The following TPR variants were observed in gnomAD, a reference collection of about 807,000 sequenced individuals.
The protein encoded by TPR is nucleoprotein TPR.
Under a neutral mutation model 316.1 loss-of-function variants are expected in TPR, and 51 were observed. The observed-to-expected ratio is 0.16, with a 90% CI of 0.13 to 0.20. TPR has a LOEUF of 0.20. Ranked by LOEUF, TPR falls within the 10% of genes least tolerant of loss-of-function variation. TPR has a pLI of 1.00. For missense variants in TPR, 2,272 were observed against 2,754.8 expected, an observed-to-expected ratio of 0.82 and a Z score of 3.92; for synonymous variants, 981 against 914.7, an observed-to-expected ratio of 1.07 and a Z score of -1.31.
Position 186,343,893 on chromosome 1 carries a change from G to A in TPR, c.3602+13C>T, listed in dbSNP as rs181316236. 2.0e-4 allele frequency: 319 copies of A among 1,606,434 alleles called. No homozygotes were observed. In the African/African-American group the frequency reaches 3.9e-3, roughly 20 times the overall value. On this transcript the variant is annotated intron_variant, in intron 26 of 50. Coordinates refer to ENST00000367478, the MANE Select transcript of TPR (RefSeq NM_003292.3). ...TTATACCACAGAAATGAAGCAGTAA[G>A]AACATGATTTACCTGAGAATTTCCA...
chr1:186,322,579 T>C lies in TPR; in HGVS notation c.6305A>G (p.Gln2102Arg). The C allele has an allele frequency of 6.2e-7, 1 of 1,614,088 alleles. No individual in the cohort carries two copies. ...TCCTACAGACTGCCTTCGGGTCATC[T>C]GAATTCTCTGCGTGTCAAGATAAAG... is the stretch of plus-strand genomic sequence containing the variant. Reference protein sequence around the residue: ...QELGPPVQRIQMTRRQSVGRG... With the variant: ...QELGPPVQRIRMTRRQSVGRG... Residue 2102 changes from glutamine (Q) to arginine (R), a missense_variant, in exon 44 of 51, where the codon CAG (glutamine) becomes CGG (arginine). Gln to Arg is a conservative substitution (Grantham distance 43). Coordinates refer to ENST00000367478, the MANE Select transcript of TPR (RefSeq NM_003292.3).
chr1:186,313,313 G>T lies in TPR; in HGVS notation c.*658C>A. 3.2e-6 allele frequency: 1 copy of T among 310,586 alleles called. No individual in the cohort carries two copies. Among genetic ancestry groups the T allele is most frequent in the Non-Finnish European group, 6.0e-6 (1 of 165,696 alleles). The allele number at this position is 310,586 out of a possible 1,614,324, so 19.2% of individuals were successfully genotyped here. On this transcript the variant is annotated 3_prime_UTR_variant, in exon 51 of 51. Coordinates refer to ENST00000367478, the MANE Select transcript of TPR (RefSeq NM_003292.3). The stretch of plus-strand genomic sequence containing the variant: ...TACTCAGGATGCTTTTCTTTGAAAT[G>T]CCCAGAAATCTAAGTTATTCTGCCT...
chr1:186,327,932 C>A (rs1005429605), intron 39 of TPR, among the ~76,000 whole-genome samples: 1 of 151,902 alleles, frequency 6.6e-6, no homozygotes, highest in Non-Finnish European at 1.5e-5. Flanking sequence ...ATAGGCACCA[C>A]CCCACGAAGT....
intron 13 of TPR, among the ~76,000 whole-genome samples, chr1:186,357,935 G>A (rs1270196428): frequency 6.6e-6 from 1 of 152,022 alleles, no homozygotes; most frequent in Non-Finnish European, 1.5e-5. Flanking sequence ...ATTTTTTTGT[G>A]TGTGCTTTTG....
chr1:186,353,804 T>C lies in TPR; in HGVS notation c.2218A>G (p.Thr740Ala). 4 of 1,614,128 alleles carry C rather than the reference T, an allele frequency of 2.5e-6. No homozygotes were observed. The highest frequency in any genetic ancestry group is 3.4e-6 in the Non-Finnish European group (4 of 1,179,996). The change falls in exon 18 of 51, where the codon ACA becomes GCA. Residue 740 changes from threonine to alanine, a missense_variant. Transcript: ENST00000367478. ...TTCTGATTTCTCTCATGAAGTGATGTTATTTCTCGACGATATCCTTCAACA... is the reference window on the plus strand; with the variant it reads ...TTCTGATTTCTCTCATGAAGTGATGCTATTTCTCGACGATATCCTTCAACA... ...DNVEGYRREITSLHERNQKLT... is the reference protein window; with the variant it reads ...DNVEGYRREIASLHERNQKLT...
intron 4 of TPR, among the ~76,000 whole-genome samples, chr1:186,365,543 T>C (rs1244548050): frequency 1.3e-5 from 2 of 152,184 alleles, no homozygotes; most frequent in South Asian, 2.1e-4. Context: ...CATAAGGACC[T>C]TTACGGCTCA....
rs5779282 is a variant in TPR at position 186,327,127 on chromosome 1, C to A, written c.5889+333G>T. 1.3e-3 allele frequency among the ~76,000 whole-genome samples: 5 copies of A among 3,710 alleles called. 1 individual carries two copies. In the East Asian group the frequency reaches 0.025, roughly 18 times the overall value. The allele number at this position is 3,710 out of a possible 152,430, so 2.4% of individuals were successfully genotyped here. A position where few individuals can be genotyped will look rare whatever the true frequency, so the allele number is the denominator to read the frequency against. ...TATATAAATATATATAAATATATAA[C>A]ATATATATTATATATATAAATATAT... On this transcript the variant is annotated intron_variant, in intron 40 of 50. Coordinates refer to ENST00000367478, the MANE Select transcript of TPR (RefSeq NM_003292.3).
At chr1:186,334,302 C>G in intron 36 of TPR, 23 bp downstream of exon 36, 2 of 1,585,208 alleles carry the variant, frequency 1.3e-6, no homozygotes, top group Non-Finnish European at 1.7e-6. Flanking sequence ...GCAGTCTCAT[C>G]AGATCTGTAT....
At chr1:186,314,394 A>G in intron 50 of TPR, 1 of 357,296 alleles carries the variant, frequency 2.8e-6, no homozygotes. Flanking sequence ...ATTTGGATTT[A>G]AGGAAGAAAT....
intron 13 of TPR, among the ~76,000 whole-genome samples, chr1:186,357,974 T>C (rs574572783): frequency 1.3e-5 from 2 of 152,230 alleles, no homozygotes; most frequent in Non-Finnish European, 2.9e-5. Flanking sequence ...GCATGAAAAA[T>C]AGACATTTAA....
chr1:186,355,262 GA>G (rs1658989456), intron 17 of TPR, 147 bp downstream of exon 17: 14 of 842,010 alleles, frequency 1.7e-5, no homozygotes, highest in Middle Eastern at 3.6e-4. Context: ...TAATCAATAT[GA>G]AAAAAATGAA....
intron 14 of TPR, 110 bp from the exon 15 acceptor site, chr1:186,356,559 G>T: frequency 1.9e-6 from 2 of 1,060,004 alleles, no homozygotes; most frequent in South Asian, 2.1e-5. Context: ...TACCATTTTT[G>T]TCTCTCTCAT....
rs1387985064 is a variant in TPR, at chr1:186,367,895, A to G, written c.418T>C (p.Tyr140His). 1.2e-6 allele frequency: 2 copies of G among 1,607,146 alleles called. No homozygotes were observed. The highest frequency in any genetic ancestry group is 1.3e-5 in the African/African-American group (1 of 74,944). Reference protein sequence around the residue: ...TNERLSQELEYLTEDVKRLNE... With the variant: ...TNERLSQELEHLTEDVKRLNE... ...AAGCACTTCTTCATACCTGTTAAGT[A>G]TTCAAGTTCTTGAGATAGTCTCTCA... The change falls in exon 4 of 51, where the codon TAC becomes CAC. Residue 140 changes from tyrosine (Y) to histidine (H), a missense_variant. Tyr to His is a moderately conservative substitution (Grantham distance 83, BLOSUM62 2). Transcript: ENST00000367478.
chr1:186,323,827 C>T lies in TPR; in HGVS notation c.6156G>A (p.Glu2052=), dbSNP rs1251142141. Residue 2052 remains glutamate (E), a synonymous_variant, in exon 43 of 51, where the codon GAG becomes GAA. Coordinates refer to ENST00000367478, the MANE Select transcript of TPR (RefSeq NM_003292.3). The stretch of plus-strand genomic sequence containing the variant: ...ATGATGGCTGTTGTTCTCTAGAAAC[C>T]TCCTGAGAAAAAGAAGATTCTGCAG... ...TGAAESSFSQ[E]VSREQQPSSA... 1.9e-6 allele frequency: 3 copies of T among 1,551,026 alleles called. No individual in the cohort carries two copies. Among genetic ancestry groups the T allele is most frequent in the Non-Finnish European group, 2.6e-6 (3 of 1,157,714 alleles).
At chr1:186,337,268 A>T in intron 31 of TPR, 112 bp from the exon 32 acceptor site, 1 of 1,322,024 alleles carries the variant, frequency 7.6e-7, no homozygotes, top group South Asian at 1.7e-5. Flanking sequence ...TTATCCCTGA[A>T]GGTATTCAAA....
rs750382131 is a variant in TPR, at chr1:186,333,344, T to A, written c.5233A>T (p.Ser1745Cys). The A allele has an allele frequency of 2.5e-6, 4 of 1,613,478 alleles. No individual in the cohort carries two copies. In the African/African-American group the frequency reaches 5.3e-5, roughly 22 times the overall value. Residue 1745 changes from serine (S) to cysteine (C), a missense_variant, in exon 37 of 51, where the codon AGT (serine) becomes TGT (cysteine). Ser to Cys is a moderately radical substitution (Grantham distance 112, BLOSUM62 -1). Coordinates refer to ENST00000367478, the MANE Select transcript of TPR (RefSeq NM_003292.3). ...VEHVPVFGST[S>C]GSVRSTSPNV... ...GGACTAGTAGAACGAACGGATCCAC[T>A]TGTGCTTCCAAAAACTGGAACATGT...
intron 17 of TPR, 195 bp from the exon 18 acceptor site, chr1:186,354,045 T>G (rs1658950492): frequency 2.2e-6 from 1 of 460,530 alleles, no homozygotes; most frequent in Non-Finnish European, 3.7e-6. Context: ...TTTTTATATT[T>G]TATTTTCACA....
In TPR at chr1:186,345,669, T is replaced by C. The variant is rs1239466386; in HGVS notation, c.3124A>G (p.Ser1042Gly). ...GCTTCTTGTACTTCATTCTGAACAC[T>C]AGAAAGTGTTTTCTTCAATTCAGAT... ...QLSELKKTLS[S>G]VQNEVQEALQ... The change falls in exon 24 of 51, where the codon AGT becomes GGT. Residue 1042 changes from serine (S) to glycine (G), a missense_variant. By Grantham distance (56) the Ser-to-Gly change is moderately conservative. Coordinates refer to ENST00000367478, the MANE Select transcript of TPR (RefSeq NM_003292.3). The C allele has an allele frequency of 5.0e-6, 8 of 1,612,496 alleles. No individual in the cohort carries two copies. The Admixed American group carries it at 5.0e-5, about 10-fold the overall frequency.
intron 29 of TPR, among the ~76,000 whole-genome samples, chr1:186,340,218 A>G (rs1488649649): frequency 6.6e-6 from 1 of 152,160 alleles, no homozygotes; most frequent in Non-Finnish European, 1.5e-5. Flanking sequence ...ATCACACGAA[A>G]GGTGATAAGG....
Sources: allele counts gnomAD v4.1 joint callset (sites outside exome capture counted in the v4.1 genomes callset), GRCh38; gene constraint gnomAD v4.1.1; transcripts MANE v1.5; gene names NCBI Gene and HGNC (gene_info 2026-07-23, HGNC 2026-07-21).